PDZRN4: variants seen among roughly 807,000 people sequenced by gnomAD.
PDZRN4 encodes the protein PDZ domain containing ring finger 4, also known as PDZ domain-containing RING finger protein 4.
PDZRN4 carries 70 observed loss-of-function variants against 99.0 expected under a neutral mutation model. The observed-to-expected ratio is 0.71, with a 90% CI of 0.58 to 0.86. The LOEUF is 0.86. Among genes scored for constraint, PDZRN4 ranks in the 40% least tolerant of loss-of-function variants. The pLI is 0.00. For synonymous variants in PDZRN4, 551 were observed against 501.6 expected (o/e 1.10, Z -1.32); for missense variants, 1,474 against 1,331.2 (o/e 1.11, Z -1.67).
chr12:41,259,207 A>G (rs1951222198), intron 3 of PDZRN4, among the ~76,000 whole-genome samples: 1 of 152,142 alleles, frequency 6.6e-6, no homozygotes, highest in South Asian at 2.1e-4. Context: ...TATAGTAACA[A>G]TAACATTAAA....
At chr12:41,192,927 G>A (rs562564142) in intron 2 of PDZRN4, among the ~76,000 whole-genome samples, 3 of 152,232 alleles carry the variant, frequency 2.0e-5, no homozygotes, top group African/African-American at 4.8e-5. Flanking sequence ...ACTGGAAAAA[G>A]GTGGTTAAGT....
At chr12:41,566,322 G>T (rs1939369497) in intron 8 of PDZRN4, among the ~76,000 whole-genome samples, 1 of 152,120 alleles carries the variant, frequency 6.6e-6, no homozygotes, top group African/African-American at 2.4e-5. Context: ...TGATGTGTTT[G>T]TGAATAGTAA....
chr12:41,380,676 G>C (rs1194022509), intron 3 of PDZRN4, among the ~76,000 whole-genome samples: 1 of 151,940 alleles, frequency 6.6e-6, no homozygotes, highest in Non-Finnish European at 1.5e-5. Context: ...TTGTTTTATT[G>C]TGTGTCCAAT....
At chr12:41,572,246 G>A in intron 9 of PDZRN4, 118 bp from the exon 10 acceptor site, 2 of 760,254 alleles carry the variant, frequency 2.6e-6, no homozygotes, top group Non-Finnish European at 2.1e-6. Flanking sequence ...CTAAATTAGA[G>A]CAACTGTCTA....
chr12:41,465,691 G>C (rs1266253453), intron 3 of PDZRN4, among the ~76,000 whole-genome samples: 2 of 152,112 alleles, frequency 1.3e-5, no homozygotes, highest in Admixed American at 6.6e-5. Flanking sequence ...GGACAGTTGG[G>C]AACTAACCAG....
At chr12:41,435,647 G>T (rs1952622922) in intron 3 of PDZRN4, among the ~76,000 whole-genome samples, 1 of 152,064 alleles carries the variant, frequency 6.6e-6, no homozygotes, top group African/African-American at 2.4e-5. Flanking sequence ...AATTAGCCAG[G>T]CATGGTGGCA....
At chr12:41,275,971 G>T (rs1951347597) in intron 3 of PDZRN4, among the ~76,000 whole-genome samples, 1 of 152,126 alleles carries the variant, frequency 6.6e-6, no homozygotes, top group African/African-American at 2.4e-5. Context: ...TTGGGTAAAT[G>T]GTTACAGGCA....
At chr12:41,291,825 A>G (rs1298549591) in intron 3 of PDZRN4, among the ~76,000 whole-genome samples, 1 of 151,676 alleles carries the variant, frequency 6.6e-6, no homozygotes, top group East Asian at 1.9e-4. Flanking sequence ...CTCCATAGAG[A>G]CCCCCTAATG....
intron 3 of PDZRN4, among the ~76,000 whole-genome samples, chr12:41,262,947 A>C (rs1951251274): frequency 6.6e-6 from 1 of 151,140 alleles, no homozygotes; most frequent in Non-Finnish European, 1.5e-5. Context: ...AGGGATAAAA[A>C]ATACTGTATA....
At chr12:41,355,590 C>T (rs570951645) in intron 3 of PDZRN4, among the ~76,000 whole-genome samples, 45 of 152,200 alleles carry the variant, frequency 3.0e-4, no homozygotes, top group African/African-American at 1.1e-3. Context: ...TGCATATATG[C>T]ATTCAGTTTT....
chr12:41,298,651 G>A (rs912944536), intron 3 of PDZRN4, among the ~76,000 whole-genome samples: 2 of 152,032 alleles, frequency 1.3e-5, no homozygotes, highest in Non-Finnish European at 2.9e-5. Context: ...TATAAATTAA[G>A]GCCTATTTGC....
chr12:41,404,087 T>C (rs919263585), intron 3 of PDZRN4, among the ~76,000 whole-genome samples: 1 of 152,194 alleles, frequency 6.6e-6, no homozygotes, highest in African/African-American at 2.4e-5. Context: ...TCTAGAATAC[T>C]TATAATACCT....
chr12:41,421,715 A>G (rs900444763), intron 3 of PDZRN4, among the ~76,000 whole-genome samples: 1 of 152,084 alleles, frequency 6.6e-6, no homozygotes, highest in Non-Finnish European at 1.5e-5. Flanking sequence ...TTATTTCTTA[A>G]GTATGTAACT....
At chr12:41,517,372 A>G (rs1198792252) in intron 5 of PDZRN4, among the ~76,000 whole-genome samples, 1 of 152,042 alleles carries the variant, frequency 6.6e-6, no homozygotes, top group African/African-American at 2.4e-5. Flanking sequence ...ATTTCCTTGC[A>G]TTACTGAAAG....
At chr12:41,263,636 G>A (rs766088281) in intron 3 of PDZRN4, among the ~76,000 whole-genome samples, 5 of 151,852 alleles carry the variant, frequency 3.3e-5, no homozygotes, top group Admixed American at 1.3e-4. Context: ...GCAGTGAGCC[G>A]AGATCCCACC....
At chr12:41,297,957 G>T (rs368428531) in intron 3 of PDZRN4, among the ~76,000 whole-genome samples, 1 of 152,186 alleles carries the variant, frequency 6.6e-6, no homozygotes, top group Non-Finnish European at 1.5e-5. Context: ...CCCTGTTTTA[G>T]ACTTAGTGCT....
chr12:41,484,041 G>T (rs1011194665), intron 3 of PDZRN4, among the ~76,000 whole-genome samples: 1 of 152,084 alleles, frequency 6.6e-6, no homozygotes, highest in African/African-American at 2.4e-5. Flanking sequence ...TCTCGAGTTT[G>T]TGTGTAAGAT....
At chr12:41,359,055 C>T (rs1951947686) in intron 3 of PDZRN4, among the ~76,000 whole-genome samples, 1 of 151,966 alleles carries the variant, frequency 6.6e-6, no homozygotes, top group Non-Finnish European at 1.5e-5. Context: ...TTGTTATTTA[C>T]ATTACGTTGT....
intron 3 of PDZRN4, among the ~76,000 whole-genome samples, chr12:41,443,176 G>T (rs960874105): frequency 6.6e-6 from 1 of 152,064 alleles, no homozygotes; most frequent in African/African-American, 2.4e-5. Context: ...CATAAGAGAG[G>T]CATAAACAGA....
Sources: gnomAD v4.1 joint callset for allele counts (sites outside exome capture counted in the v4.1 genomes callset) on GRCh38, gnomAD v4.1.1 for gene constraint, MANE v1.5 for transcripts, NCBI Gene and HGNC (gene_info 2026-07-23, HGNC 2026-07-21) for gene names.